The following HEMK2 variants were observed in gnomAD, a reference collection of about 807,000 sequenced individuals.
HEMK2 encodes the protein methyltransferase HEMK2.
the HEMK2 span, among the ~76,000 whole-genome samples, chr21:28,830,737 C>A: frequency 2.0e-5 from 3 of 151,942 alleles, no homozygotes; most frequent in African/African-American, 7.2e-5. Flanking sequence ...ATTAGCCGGG[C>A]ATGGTGGCAG....
At chr21:28,779,883 T>C in the HEMK2 span, among the ~76,000 whole-genome samples, 1 of 150,894 alleles carries the variant, frequency 6.6e-6, no homozygotes, top group Non-Finnish European at 1.5e-5. Context: ...TTCTTGTTTT[T>C]AAAAAAAAGC....
the HEMK2 span, among the ~76,000 whole-genome samples, chr21:28,750,331 C>T: frequency 1.6e-4 from 24 of 152,092 alleles, no homozygotes; most frequent in Non-Finnish European, 5.9e-5. Flanking sequence ...AGTACAGACA[C>T]ACAGTTTAAT....
chr21:28,685,570 A>G, the HEMK2 span, among the ~76,000 whole-genome samples: 2 of 152,200 alleles, frequency 1.3e-5, no homozygotes, highest in Non-Finnish European at 2.9e-5. Context: ...TACAGAAGCC[A>G]GTTTGGTTAT....
chr21:28,671,713 T>C, the HEMK2 span, among the ~76,000 whole-genome samples: 28 of 152,182 alleles, frequency 1.8e-4, no homozygotes, highest in Non-Finnish European at 3.5e-4. Context: ...AGGGATATCA[T>C]CATTCCATAA....
chr21:28,620,998 G>A, the HEMK2 span, among the ~76,000 whole-genome samples: 2 of 151,400 alleles, frequency 1.3e-5, no homozygotes, highest in Admixed American at 1.3e-4. Context: ...AGTCTGGCTA[G>A]TGGTCTATCT....
chr21:28,819,998 G>A, the HEMK2 span, among the ~76,000 whole-genome samples: 3 of 152,198 alleles, frequency 2.0e-5, no homozygotes, highest in South Asian at 2.1e-4. Flanking sequence ...AATTTATTAA[G>A]TGATATGAAT....
chr21:28,877,026 A>C, the HEMK2 span, among the ~76,000 whole-genome samples: 1 of 33,984 alleles, frequency 2.9e-5, no homozygotes, highest in Non-Finnish European at 6.3e-5. Flanking sequence ...GAAGGAAGGA[A>C]GGAAGGAAGG....
At chr21:28,824,538 C>T in the HEMK2 span, among the ~76,000 whole-genome samples, 1 of 152,192 alleles carries the variant, frequency 6.6e-6, no homozygotes, top group South Asian at 2.1e-4. Context: ...AGAAGAAAAA[C>T]GTATTAGTAT....
the HEMK2 span, among the ~76,000 whole-genome samples, chr21:28,754,641 A>ATTCTG: frequency 1.3e-5 from 2 of 152,138 alleles, no homozygotes; most frequent in African/African-American, 2.4e-5. Flanking sequence ...TTGTTTGTCT[A>ATTCTG]TTTTTATCTC....
At chr21:28,850,579 G>T in the HEMK2 span, among the ~76,000 whole-genome samples, 1 of 152,132 alleles carries the variant, frequency 6.6e-6, no homozygotes, top group Admixed American at 6.5e-5. Context: ...CATAAGTGAA[G>T]GGGAAATAAA....
chr21:28,811,806 G>A, the HEMK2 span, among the ~76,000 whole-genome samples: 4 of 152,302 alleles, frequency 2.6e-5, no homozygotes, highest in Middle Eastern at 3.4e-3. Flanking sequence ...TAAATGGAAC[G>A]GTAAGATGGA....
At chr21:28,885,275 T>TCGTACACGTCGCTGAAGGCGCCGCGGCCC in the HEMK2 span, 1 of 1,593,178 alleles carries the variant, frequency 6.3e-7, no homozygotes, top group East Asian at 2.3e-5. Flanking sequence ...CTCCGCGGGC[T>TCGTACACGTCGCTGAAGGCGCCGCGGCCC]CGTACACGTC....
chr21:28,763,891 A>G, the HEMK2 span, among the ~76,000 whole-genome samples: 1 of 150,728 alleles, frequency 6.6e-6, no homozygotes, highest in Non-Finnish European at 1.5e-5. Context: ...CACATGGAGC[A>G]GACTAGGGAG....
the HEMK2 span, among the ~76,000 whole-genome samples, chr21:28,841,016 T>C: frequency 1.8e-5 from 2 of 113,906 alleles, no homozygotes; most frequent in African/African-American, 6.6e-5. Context: ...ATATATATAA[T>C]ATATAAATAA....
chr21:28,616,893 C>T, the HEMK2 span, among the ~76,000 whole-genome samples: 8 of 152,170 alleles, frequency 5.3e-5, no homozygotes, highest in Admixed American at 4.6e-4. Flanking sequence ...TGCTCAGTTA[C>T]TTCACCAATA....
the HEMK2 span, among the ~76,000 whole-genome samples, chr21:28,845,114 AGC>A: frequency 6.6e-6 from 1 of 152,102 alleles, no homozygotes; most frequent in African/African-American, 2.4e-5. Context: ...TAAGCTTCTT[AGC>A]CATCTGGAAT....
chr21:28,678,732 C>T, the HEMK2 span, among the ~76,000 whole-genome samples: 3 of 152,280 alleles, frequency 2.0e-5, no homozygotes, highest in East Asian at 3.9e-4. Context: ...AGAGTGGGGG[C>T]CAATGTCCAA....
the HEMK2 span, among the ~76,000 whole-genome samples, chr21:28,671,853 G>A: frequency 1.1e-4 from 17 of 152,170 alleles, 1 homozygote; most frequent in South Asian, 1.2e-3. Flanking sequence ...AATGTCACAC[G>A]TAAATTCTGC....
chr21:28,744,618 T>G, the HEMK2 span, among the ~76,000 whole-genome samples: 1 of 152,200 alleles, frequency 6.6e-6, no homozygotes, highest in South Asian at 2.1e-4. Flanking sequence ...TTCTTCTTAA[T>G]AAAGGAAACA....
Sources: allele counts gnomAD v4.1 joint callset (sites outside exome capture counted in the v4.1 genomes callset), GRCh38; gene constraint gnomAD v4.1.1; transcripts MANE v1.5; gene names NCBI Gene and HGNC (gene_info 2026-07-23, HGNC 2026-07-21).